Variants in MRPS21 observed in about 807,000 individuals in gnomAD.
MRPS21 encodes the protein small ribosomal subunit protein bS21m.
MRPS21 carries 8 observed loss-of-function variants against 9.9 expected under a neutral mutation model. The observed-to-expected ratio is 0.81, with a 90% CI of 0.47 to 1.45. The LOEUF (loss-of-function observed/expected upper bound fraction) is 1.45, where lower values mean the gene tolerates loss of function less well. MRPS21 is among the 40% of genes most tolerant of loss of function. The probability of loss-of-function intolerance (pLI) is 0.00; values close to 1 mark genes in which losing one functional copy is unlikely to be tolerated. For missense variants in MRPS21, 101 were observed against 118.9 expected (o/e 0.85, Z 0.70); for synonymous variants, 40 against 40.3 (o/e 0.99, Z 0.03).
chr1:150,305,419 G>A (rs114311515), intron 2 of MRPS21, among the ~76,000 whole-genome samples: 2,356 of 152,174 alleles, frequency 0.015, 67 homozygotes, highest in African/African-American at 0.052. Context: ...TTACAGATGT[G>A]ATAACAATTG....
intron 2 of MRPS21, among the ~76,000 whole-genome samples, chr1:150,301,036 A>G (rs1253023256): frequency 6.6e-6 from 1 of 150,598 alleles, no homozygotes; most frequent in Admixed American, 6.6e-5. Flanking sequence ...TGTCTCTACT[A>G]AAAAAAATAC....
At chr1:150,304,311 CA>C (rs1553858162) in intron 2 of MRPS21, 675 of 180,716 alleles carry the variant, frequency 3.7e-3, no homozygotes, top group South Asian at 9.9e-3. Flanking sequence ...GCCCTGCCTA[CA>C]AAAAAAAAAA....
intron 2 of MRPS21, among the ~76,000 whole-genome samples, chr1:150,296,531 G>T (rs1653921411): frequency 6.6e-6 from 1 of 152,028 alleles, no homozygotes; most frequent in Non-Finnish European, 1.5e-5. Context: ...TTGTGCCTGT[G>T]AATAACCACT....
chr1:150,305,040 A>AAAAG (rs782301571), intron 2 of MRPS21: 5 of 395,076 alleles, frequency 1.3e-5, no homozygotes, highest in Admixed American at 9.0e-5. Flanking sequence ...ACTCCGTCTC[A>AAAAG]AAAGAAAGAA....
intron 2 of MRPS21, among the ~76,000 whole-genome samples, chr1:150,297,301 A>G (rs1337822897): frequency 0.026 from 2 of 78 alleles, no homozygotes; most frequent in Non-Finnish European, 0.062. Flanking sequence ...CAAAAAAAAA[A>G]AGAAAAAATG....
chr1:150,305,316 G>A (rs1351981069), intron 2 of MRPS21, among the ~76,000 whole-genome samples: 1 of 152,078 alleles, frequency 6.6e-6, no homozygotes, highest in Non-Finnish European at 1.5e-5. Flanking sequence ...TGGGATTACA[G>A]GTGTGAGCCA....
intron 2 of MRPS21, among the ~76,000 whole-genome samples, chr1:150,299,044 C>T (rs1324086040): frequency 1.3e-5 from 2 of 152,064 alleles, no homozygotes; most frequent in African/African-American, 4.8e-5. Flanking sequence ...GGCGAAACCC[C>T]GTCTTTACTA....
intron 2 of MRPS21, among the ~76,000 whole-genome samples, chr1:150,299,032 A>G (rs1265005938): frequency 6.6e-6 from 1 of 152,166 alleles, no homozygotes; most frequent in Non-Finnish European, 1.5e-5. Flanking sequence ...CCTGGCCAAC[A>G]TGGCGAAACC....
chr1:150,296,561 A>C lies in MRPS21; in HGVS notation c.83+2112A>C, dbSNP rs75839725. Among the ~76,000 whole-genome samples, 7 of 152,302 alleles carry C rather than the reference A, an allele frequency of 4.6e-5. No homozygotes were observed. The East Asian group carries it at 1.4e-3, about 29-fold the overall frequency. ...ACCACTCCACTCTAACCTAGGAAGC[A>C]TAGTGAGACCATGTCTCTTAAAAAA... On this transcript the variant is annotated intron_variant, in intron 2 of 2. Transcript: ENST00000614145.
In MRPS21 at chr1:150,308,066, G is replaced by T; in HGVS notation, c.102G>T (p.Gly34=). The T allele has an allele frequency of 6.3e-7, 1 of 1,589,948 alleles. No individual in the cohort carries two copies. The highest frequency in any genetic ancestry group is 8.6e-7 in the Non-Finnish European group (1 of 1,159,692). Residue 34 remains glycine, a synonymous_variant, in exon 3 of 3, where the codon GGG becomes GGT. Transcript: ENST00000614145. The part of the protein sequence containing the change: ...RTLNRILTMD[G]LIEDIKHRRY... ...TATACAGAATCCTCACTATGGATGG[G>T]CTCATTGAGGACATTAAGCATCGGC...
rs782225927 is a variant in MRPS21, at chr1:150,308,173, G to A, written c.209G>A (p.Arg70His). The change falls in exon 3 of 3, where the codon CGC becomes CAC. Residue 70 changes from arginine to histidine, a missense_variant. Physicochemically the swap from Arg to His is conservative, Grantham distance 29 (BLOSUM62 0). Coordinates refer to ENST00000614145, the MANE Select transcript of MRPS21 (RefSeq NM_031901.6). ...CRRIYNMEMA[R>H]KINFLMRKNR... ...CGGATCTACAACATGGAAATGGCTC[G>A]CAAGATCAACTTCTTGATGCGAAAG... is the stretch of plus-strand genomic sequence containing the variant. The A allele has an allele frequency of 9.3e-6, 15 of 1,607,682 alleles. No homozygotes were observed. The highest frequency in any genetic ancestry group is 2.2e-5 in the East Asian group (1 of 44,666).
intron 2 of MRPS21, among the ~76,000 whole-genome samples, chr1:150,299,275 TGCAGAAAATATAA>T (rs1433353135): frequency 6.6e-6 from 1 of 152,096 alleles, no homozygotes; most frequent in Non-Finnish European, 1.5e-5. Flanking sequence ...ATACCAGGTT[TGCAGAAAATATAA>T]GGCCAGCTCT....
intron 2 of MRPS21, among the ~76,000 whole-genome samples, chr1:150,300,777 A>T (rs1654085702): frequency 1.3e-5 from 2 of 152,242 alleles, no homozygotes; most frequent in Admixed American, 1.3e-4. Context: ...TAAGAAGCAC[A>T]GTATTACCTT....
intron 2 of MRPS21, chr1:150,304,047 A>T: frequency 2.6e-6 from 1 of 390,974 alleles, no homozygotes; most frequent in South Asian, 1.8e-5. Context: ...GTGGTGGCTC[A>T]CGCCTGCAAT....
chr1:150,294,647 C>G (rs587620773), intron 2 of MRPS21, among the ~76,000 whole-genome samples, 198 bp downstream of exon 2: 1 of 151,938 alleles, frequency 6.6e-6, no homozygotes, highest in East Asian at 1.9e-4. Context: ...GCCTGTAATC[C>G]CAGCACTTTG....
At chr1:150,297,664 CAA>C (rs71652043) in intron 2 of MRPS21, among the ~76,000 whole-genome samples, 1 of 149,506 alleles carries the variant, frequency 6.7e-6, no homozygotes, top group Non-Finnish European at 1.5e-5. Context: ...GAGTAAGACT[CAA>C]AAAAAAAAAT....
chr1:150,300,880 T>A (rs1462842986), intron 2 of MRPS21, among the ~76,000 whole-genome samples: 9 of 152,140 alleles, frequency 5.9e-5, no homozygotes, highest in African/African-American at 2.2e-4. Context: ...TCTTTTCTTT[T>A]TAAGAAAGAA....
chr1:150,297,036 A>G (rs1227743715), intron 2 of MRPS21, among the ~76,000 whole-genome samples: 2 of 152,168 alleles, frequency 1.3e-5, no homozygotes, highest in Non-Finnish European at 2.9e-5. Flanking sequence ...TCACGCCTGT[A>G]ATCCCAGCAC....
At position 150,308,044 on chromosome 1, in the gene MRPS21, AC is replaced by A; in HGVS notation, c.84-3del. ...GTCTAACCTCATTGCTTGCCTTTAT[AC>A]AGAATCCTCACTATGGATGGGCTCA... On this transcript the variant is annotated splice_region_variant and splice_polypyrimidine_tract_variant and intron_variant, in intron 2 of 2. Transcript: ENST00000614145. 1 of 1,574,478 alleles carries A rather than the reference AC, an allele frequency of 6.4e-7. No individual in the cohort carries two copies. Among genetic ancestry groups the A allele is most frequent in the African/African-American group, 1.3e-5 (1 of 74,396 alleles).
Sources: gnomAD v4.1 joint callset for allele counts (sites outside exome capture counted in the v4.1 genomes callset) on GRCh38, gnomAD v4.1.1 for gene constraint, MANE v1.5 for transcripts, NCBI Gene and HGNC (gene_info 2026-07-23, HGNC 2026-07-21) for gene names.